PIEZO2: variants seen among roughly 807,000 people sequenced by gnomAD.
PIEZO2 encodes piezo-type mechanosensitive ion channel component 2.
PIEZO2 carries 172 observed loss-of-function variants against 337.3 expected under a neutral mutation model. That is an observed-to-expected ratio of 0.51 (90% CI 0.45 to 0.58). PIEZO2 has a LOEUF of 0.58. Among genes scored for constraint, PIEZO2 ranks in the 20% least tolerant of loss-of-function variants. PIEZO2 has a pLI of 0.00. For missense variants in PIEZO2, 3,028 were observed against 3,391.3 expected, an observed-to-expected ratio of 0.89 and a Z score of 2.66; for synonymous variants, 1,251 against 1,228.5, an observed-to-expected ratio of 1.02 and a Z score of -0.38.
intron 2 of PIEZO2, among the ~76,000 whole-genome samples, chr18:11,013,206 G>A (rs1361171377): frequency 6.6e-6 from 1 of 152,136 alleles, no homozygotes; most frequent in African/African-American, 2.4e-5. Context: ...GTGGACTACC[G>A]AAGCAGGCCC....
At chr18:10,874,287 A>T (rs2042213089) in intron 4 of PIEZO2, among the ~76,000 whole-genome samples, 1 of 151,888 alleles carries the variant, frequency 6.6e-6, no homozygotes, top group African/African-American at 2.4e-5. Context: ...CCCTAGTTAG[A>T]ATGGTTATTA....
At chr18:10,874,832 G>A (rs1379650752) in intron 4 of PIEZO2, among the ~76,000 whole-genome samples, 2 of 152,114 alleles carry the variant, frequency 1.3e-5, no homozygotes, top group African/African-American at 4.8e-5. Context: ...AAGGGGGAGC[G>A]AGGAGTAGTT....
intron 2 of PIEZO2, among the ~76,000 whole-genome samples, chr18:11,062,948 G>A (rs1274262548): frequency 3.3e-5 from 5 of 152,122 alleles, no homozygotes; most frequent in Non-Finnish European, 7.3e-5. Context: ...CTGCTATAAA[G>A]ACACATGCAC....
intron 2 of PIEZO2, among the ~76,000 whole-genome samples, chr18:10,985,445 C>T (rs898521773): frequency 6.6e-6 from 1 of 152,038 alleles, no homozygotes; most frequent in African/African-American, 2.4e-5. Flanking sequence ...AGAGACTTCC[C>T]TTTCCCCATT....
intron 3 of PIEZO2, among the ~76,000 whole-genome samples, chr18:10,959,087 A>AT: frequency 6.6e-6 from 1 of 152,200 alleles, no homozygotes; most frequent in Admixed American, 6.5e-5. Flanking sequence ...AAAAATATGT[A>AT]TTAATGATTC....
Position 10,726,535 on chromosome 18 carries a change from C to G in PIEZO2, c.5029+4872G>C. ...TCCTGTGGCGCGCTGCGCTGCTCTG[C>G]TCTGCTACACCAGCCGCCACGCTGT... On this transcript the variant is annotated intron_variant, in intron 36 of 55. Coordinates refer to ENST00000674853, the MANE Select transcript of PIEZO2 (RefSeq NM_001378183.1). The surrounding 1 kb of genome is among the most constrained non-coding windows in gnomAD (Gnocchi z 5.9). The G allele has an allele frequency of 1.4e-6, 2 of 1,441,176 alleles. No homozygotes were observed. The highest frequency in any genetic ancestry group is 2.8e-5 in the South Asian group (2 of 71,758). 89.3% of individuals were successfully genotyped at this position (1,441,176 alleles called of 1,614,324 possible).
intron 39 of PIEZO2, among the ~76,000 whole-genome samples, chr18:10,712,826 C>T (rs923288680): frequency 3.3e-5 from 5 of 152,186 alleles, no homozygotes; most frequent in African/African-American, 1.2e-4. Flanking sequence ...TGAATTAAAA[C>T]TTTAAACCAA....
intron 4 of PIEZO2, among the ~76,000 whole-genome samples, chr18:10,902,590 T>G (rs1435720521): frequency 6.6e-6 from 1 of 152,188 alleles, no homozygotes; most frequent in Admixed American, 6.5e-5. Context: ...AGCCACAGAC[T>G]TATAAAGGTG....
In PIEZO2 at chr18:11,132,690, CAAT is replaced by C. The variant is rs1426600327; in HGVS notation, c.64+15832_64+15834del. Among the ~76,000 whole-genome samples the C allele has an allele frequency of 6.6e-6, 1 of 152,108 alleles. No homozygotes were observed. Among genetic ancestry groups the C allele is most frequent in the East Asian group, 1.9e-4 (1 of 5,178 alleles). On this transcript the variant is annotated intron_variant, in intron 1 of 55. Coordinates refer to ENST00000674853, the MANE Select transcript of PIEZO2 (RefSeq NM_001378183.1). This position sits in a 1 kb window ranked among gnomAD's most constrained non-coding sequence, Gnocchi z 4.7. Reference sequence around the variant, plus strand: ...GAAGGAGCACTGCCACCAGTAGACACAATGATTCCATTAAACTGGGAGTTAAGA... The same window carrying C: ...GAAGGAGCACTGCCACCAGTAGACACGATTCCATTAAACTGGGAGTTAAGA...
chr18:10,926,819 C>A (rs2031767631), intron 3 of PIEZO2, among the ~76,000 whole-genome samples: 1 of 152,186 alleles, frequency 6.6e-6, no homozygotes, highest in African/African-American at 2.4e-5. Flanking sequence ...AGATTCTCAA[C>A]AGCAAGGACT....
chr18:10,701,368 C>T (rs75687392), intron 43 of PIEZO2, among the ~76,000 whole-genome samples: 3,596 of 152,346 alleles, frequency 0.024, 159 homozygotes, highest in African/African-American at 0.081. Flanking sequence ...GAGGCTGAGG[C>T]AGGGCCATGC....
intron 33 of PIEZO2, chr18:10,739,381 T>C (rs1156519069): frequency 6.6e-6 from 1 of 152,224 alleles, no homozygotes; most frequent in Non-Finnish European, 1.5e-5. Context: ...CACAGGAAGT[T>C]CTTTATATTA....
chr18:10,865,280 C>T (rs2041976202), intron 5 of PIEZO2, among the ~76,000 whole-genome samples: 1 of 152,104 alleles, frequency 6.6e-6, no homozygotes, highest in South Asian at 2.1e-4. Context: ...AGGGAAGTGG[C>T]ATAATTTAAT....
chr18:10,968,941 C>A (rs1278216171), intron 3 of PIEZO2, among the ~76,000 whole-genome samples: 1 of 152,110 alleles, frequency 6.6e-6, no homozygotes, highest in Non-Finnish European at 1.5e-5. Context: ...GAAGAATTGT[C>A]CAAATCCAAA....
rs549408964 is a variant in PIEZO2, at chr18:10,879,792, C to G, written c.330-8377G>C. Among the ~76,000 whole-genome samples, 5 of 152,240 alleles carry G rather than the reference C, an allele frequency of 3.3e-5. No individual in the cohort carries two copies. The South Asian group carries it at 1.0e-3, about 32-fold the overall frequency. On this transcript the variant is annotated intron_variant, in intron 4 of 55. Coordinates refer to ENST00000674853, the MANE Select transcript of PIEZO2 (RefSeq NM_001378183.1). Reference sequence around the variant, plus strand: ...AAGCTGAAATTTCTAAATAACTTACCTGTCCATAAAGAGGAGACTAGGCAT... The same window carrying G: ...AAGCTGAAATTTCTAAATAACTTACGTGTCCATAAAGAGGAGACTAGGCAT...
intron 4 of PIEZO2, among the ~76,000 whole-genome samples, chr18:10,891,261 T>C (rs1050735023): frequency 8.6e-5 from 13 of 152,018 alleles, no homozygotes; most frequent in Non-Finnish European, 1.6e-4. Context: ...GAGGCAGAGG[T>C]TGCAGTGAGC....
intron 3 of PIEZO2, among the ~76,000 whole-genome samples, chr18:10,930,536 C>T (rs1295501370): frequency 1.3e-5 from 2 of 152,210 alleles, no homozygotes; most frequent in Admixed American, 6.5e-5. Flanking sequence ...CAAGCTGTAA[C>T]CTAACCAGTT....
chr18:10,736,599 AT>A lies in PIEZO2; in HGVS notation c.4815+4del. On this transcript the variant is annotated splice_donor_region_variant and intron_variant, in intron 34 of 55. Transcript: ENST00000674853. ...TAGCAAAGAAATGATTTTCCCCATA[AT>A]TACCTGGAATGCTGACCTTCGTGGA... 1 of 1,536,832 alleles carries A rather than the reference AT, an allele frequency of 6.5e-7. No individual in the cohort carries two copies. The highest frequency in any genetic ancestry group is 2.4e-5 in the East Asian group (1 of 40,900).
intron 52 of PIEZO2, among the ~76,000 whole-genome samples, chr18:10,679,081 C>A (rs769528456): frequency 6.6e-6 from 1 of 151,966 alleles, no homozygotes; most frequent in Non-Finnish European, 1.5e-5. Context: ...TACAGGCATG[C>A]GCTACTACCT....
Sources: allele counts gnomAD v4.1 joint callset (sites outside exome capture counted in the v4.1 genomes callset), GRCh38; gene constraint gnomAD v4.1.1; non-coding constraint Gnocchi (gnomAD v3.1); transcripts MANE v1.5; gene names NCBI Gene and HGNC (gene_info 2026-07-23, HGNC 2026-07-21).